SLC4A2: variants seen among roughly 807,000 people sequenced by gnomAD.
SLC4A2 encodes solute carrier family 4 member 2, also known as anion exchange protein 2.
SLC4A2 carries 36 observed loss-of-function variants against 115.0 expected under a neutral mutation model. The observed-to-expected ratio is 0.31, with a 90% CI of 0.24 to 0.41. The LOEUF (loss-of-function observed/expected upper bound fraction) is 0.41. Among genes scored for constraint, SLC4A2 ranks in the 10% least tolerant of loss-of-function variants. The pLI, the probability that SLC4A2 is intolerant of heterozygous loss-of-function variation, is 1.00. For synonymous variants in SLC4A2, 708 were observed against 708.3 expected (o/e 1.00, Z 0.01); for missense variants, 1,252 against 1,705.6 (o/e 0.73, Z 4.68).
Position 151,066,729 on chromosome 7 carries a change from C to T in SLC4A2, c.791C>T (p.Thr264Met), listed in dbSNP as rs928448411. ...CCCACGGATGAGATTGAGGCCCAGA[C>T]GCTGGCCACGGCCGACCTAGACCTC... Reference protein sequence around the residue: ...RVPTDEIEAQTLATADLDLMK... With the variant: ...RVPTDEIEAQMLATADLDLMK... The change falls in exon 6 of 23, where the codon ACG becomes ATG. Residue 264 changes from threonine (T) to methionine (M), a missense_variant. Around this residue, in one of 14 missense-constraint regions of SLC4A2, gnomAD observed 42 missense variants for 93.1 expected, o/e 0.45. Transcript: ENST00000413384. The T allele has an allele frequency of 8.4e-6, 13 of 1,556,144 alleles. No individual in the cohort carries two copies. Among genetic ancestry groups the T allele is most frequent in the Middle Eastern group, 1.7e-4 (1 of 5,990 alleles).
rs1018154956 is a variant in SLC4A2, at chr7:151,061,759, C to T, written c.-63-166C>T. ...CTCAGTCCTCTCCTGTCTCCTTGTT[C>T]TTCTCTTTTCTTCCTATAAATAACT... is the stretch of plus-strand genomic sequence containing the variant. On this transcript the variant is annotated intron_variant, in intron 1 of 22. Transcript: ENST00000413384. The T allele has an allele frequency of 1.1e-5, 6 of 551,502 alleles. No individual in the cohort carries two copies. The East Asian group carries it at 1.4e-4, about 13-fold the overall frequency. The allele number at this position is 551,502 out of a possible 1,614,324, so 34.2% of individuals were successfully genotyped here.
rs955651136 is a variant in SLC4A2, at chr7:151,063,395, T to C, written c.52-807T>C. Among the ~76,000 whole-genome samples, 3 of 152,292 alleles carry C rather than the reference T, an allele frequency of 2.0e-5. No individual in the cohort carries two copies. The East Asian group carries it at 5.8e-4, about 29-fold the overall frequency. ...AGTTACTTTTTGGGCTCAGCAGTTG[T>C]CCTCAGGCCAACTGGAGTTTCTTCA... On this transcript the variant is annotated intron_variant, in intron 2 of 22. Coordinates refer to ENST00000413384, the MANE Select transcript of SLC4A2 (RefSeq NM_003040.4).
intron 20 of SLC4A2, 47 bp from the exon 21 acceptor site, chr7:151,075,559 G>A: frequency 6.3e-7 from 1 of 1,587,120 alleles, no homozygotes; most frequent in Non-Finnish European, 8.5e-7. Context: ...AGGGCTACTG[G>A]GGCCAGGGGA....
At position 151,069,948 on chromosome 7, in the gene SLC4A2, G is replaced by A; in HGVS notation, c.1149G>A (p.Gly383=). 6.2e-7 allele frequency: 1 copy of A among 1,613,852 alleles called. No homozygotes were observed. The highest frequency in any genetic ancestry group is 8.5e-7 in the Non-Finnish European group (1 of 1,180,010). Residue 383 remains glycine, a splice_region_variant and synonymous_variant, in exon 9 of 23, where the codon GGG becomes GGA. Transcript: ENST00000413384. ...LLELRRTLAH[G]AVLLDLDQQT... ...GCCCTCTGTGCCATCTTATGCTAGG[G>A]GCTGTGCTCTTGGATCTGGACCAGC...
At position 151,076,369 on chromosome 7, in the gene SLC4A2, C is replaced by T. The variant is rs141417799; in HGVS notation, c.*2C>T. ...AATGAGATGCCCATGCCTGTGTAGCCGCCACCGAGGGACAGCCGAGGGACC... is the reference window on the plus strand; with the variant it reads ...AATGAGATGCCCATGCCTGTGTAGCTGCCACCGAGGGACAGCCGAGGGACC... On this transcript the variant is annotated 3_prime_UTR_variant, in exon 23 of 23. Transcript: ENST00000413384. 36 of 1,491,504 alleles carry T rather than the reference C, an allele frequency of 2.4e-5. No homozygotes were observed. Among genetic ancestry groups the T allele is most frequent in the Middle Eastern group, 1.8e-4 (1 of 5,526 alleles). The allele number at this position is 1,491,504 out of a possible 1,614,324, so 92.4% of individuals were successfully genotyped here.
Position 151,064,137 on chromosome 7 carries a change from G to T in SLC4A2, c.52-65G>T, listed in dbSNP as rs1013358562. The T allele has an allele frequency of 9.0e-6, 14 of 1,550,974 alleles. No individual in the cohort carries two copies. In the African/African-American group the frequency reaches 1.9e-4, roughly 21 times the overall value. On this transcript the variant is annotated intron_variant, in intron 2 of 22. Coordinates refer to ENST00000413384, the MANE Select transcript of SLC4A2 (RefSeq NM_003040.4). ...TCCTGGGTCTCTGGCACTGGGAAGG[G>T]TGAGGTTTCGGGGTACAATTCCCAG...
chr7:151,076,172 C>A lies in SLC4A2; in HGVS notation c.3631C>A (p.Arg1211=), dbSNP rs375284531. 1.2e-6 allele frequency: 2 copies of A among 1,611,260 alleles called. No homozygotes were observed. Among genetic ancestry groups the A allele is most frequent in the African/African-American group, 1.3e-5 (1 of 74,914 alleles). Reference sequence around the variant, plus strand: ...GGTGCTCACCCGTATCTTCACCGACCGAGAGATGAAATGTGTAAGCCCTCC... The same window carrying A: ...GGTGCTCACCCGTATCTTCACCGACAGAGAGATGAAATGTGTAAGCCCTCC... ...MVVLTRIFTD[R]EMKCLDANEA... The change falls in exon 22 of 23, where the codon CGA becomes AGA. Residue 1211 remains arginine, a synonymous_variant. Transcript: ENST00000413384.
In SLC4A2 at chr7:151,072,117, C is replaced by T; in HGVS notation, c.2516C>T (p.Thr839Ile). 1 of 1,613,996 alleles carries T rather than the reference C, an allele frequency of 6.2e-7. No individual in the cohort carries two copies. The highest frequency in any genetic ancestry group is 8.5e-7 in the Non-Finnish European group (1 of 1,179,924). ...ATCTCACTCATCTTCATCTATGAGA[C>T]CTTCTACAAGCTGGTGAAGGTGGGC... ...FLISLIFIYE[T>I]FYKLVKIFQE... Residue 839 changes from threonine to isoleucine, a missense_variant, in exon 16 of 23, where the codon ACC becomes ATC. By Grantham distance (89) the Thr-to-Ile change is moderately conservative. Coordinates refer to ENST00000413384, the MANE Select transcript of SLC4A2 (RefSeq NM_003040.4).
At position 151,062,021 on chromosome 7, in the gene SLC4A2, G is replaced by A. The variant is rs532477386; in HGVS notation, c.34G>A (p.Ala12Thr). ...CGCCCCTCGGCGCCCCGCCAAGGGC[G>A]CAGATTCTTTCTGTACGGTGAGTGT... Reference protein sequence around the residue: ...SSAPRRPAKGADSFCTPEPES... With the variant: ...SSAPRRPAKGTDSFCTPEPES... Residue 12 changes from alanine to threonine, a missense_variant, in exon 2 of 23, where the codon GCA becomes ACA. By Grantham distance (58) the Ala-to-Thr change is moderately conservative (BLOSUM62 0). Transcript: ENST00000413384. The A allele has an allele frequency of 5.2e-5, 83 of 1,610,870 alleles. No homozygotes were observed. The highest frequency in any genetic ancestry group is 1.6e-4 in the Middle Eastern group (1 of 6,080).
chr7:151,071,110 G>C lies in SLC4A2; in HGVS notation c.1788G>C (p.Glu596Asp). 1 of 1,612,784 alleles carries C rather than the reference G, an allele frequency of 6.2e-7. No individual in the cohort carries two copies. The highest frequency in any genetic ancestry group is 8.5e-7 in the Non-Finnish European group (1 of 1,180,024). ...CAGCCTACCTGGCTGACGAGCGGGA[G>C]GACCTGCTGACGGCCATCAACGCCT... is the stretch of plus-strand genomic sequence containing the variant. The part of the protein sequence containing the change: ...HEAAYLADER[E>D]DLLTAINAFL... The change falls in exon 13 of 23, where the codon GAG (glutamate) becomes GAC (aspartate). Residue 596 changes from glutamate to aspartate, a missense_variant. Coordinates refer to ENST00000413384, the MANE Select transcript of SLC4A2 (RefSeq NM_003040.4). The surrounding 1 kb of genome is among the most constrained non-coding windows in gnomAD (Gnocchi z 5.5).
rs1366843155 is a variant in SLC4A2, at chr7:151,076,364, G to A, written c.3723G>A (p.Val1241=). 2 of 1,496,866 alleles carry A rather than the reference G, an allele frequency of 1.3e-6. No homozygotes were observed. The highest frequency in any genetic ancestry group is 2.7e-5 in the South Asian group (2 of 72,820). 92.7% of individuals were successfully genotyped at this position (1,496,866 alleles called of 1,614,324 possible). A position where few individuals can be genotyped will look rare whatever the true frequency, so the allele number is the denominator to read the frequency against. ...VDEYNEMPMP[V] The stretch of plus-strand genomic sequence containing the variant: ...AGTACAATGAGATGCCCATGCCTGT[G>A]TAGCCGCCACCGAGGGACAGCCGAG... Residue 1241 remains valine (V), a synonymous_variant, in exon 23 of 23, where the codon GTG becomes GTA. Coordinates refer to ENST00000413384, the MANE Select transcript of SLC4A2 (RefSeq NM_003040.4).
At chr7:151,063,325 T>C in intron 2 of SLC4A2, 2 of 697,412 alleles carry the variant, frequency 2.9e-6, no homozygotes, top group Non-Finnish European at 4.4e-6. Context: ...CTGGGTTTGT[T>C]TGACTCGGAC....
Position 151,064,208 on chromosome 7 carries a change from C to T in SLC4A2, c.58C>T (p.Pro20Ser), listed in dbSNP as rs147352167. ...TCTGCCTTCTTCCTCACAGCCAGAG[C>T]CAGAGAGCTTGGGCCCTGGGACGCC... is the stretch of plus-strand genomic sequence containing the variant. ...KGADSFCTPE[P>S]ESLGPGTPGF... Residue 20 changes from proline to serine, a missense_variant, in exon 3 of 23, where the codon CCA becomes TCA. Physicochemically the swap from Pro to Ser is moderately conservative, Grantham distance 74. Transcript: ENST00000413384. 6.8e-6 allele frequency: 11 copies of T among 1,612,126 alleles called. No individual in the cohort carries two copies. The highest frequency in any genetic ancestry group is 1.3e-5 in the African/African-American group (1 of 74,934).
At position 151,064,226 on chromosome 7, in the gene SLC4A2, G is replaced by C. The variant is rs1199210740; in HGVS notation, c.76G>C (p.Gly26Arg). ...CTPEPESLGP[G>R]TPGFPEQEED... ...GCCAGAGCCAGAGAGCTTGGGCCCT[G>C]GGACGCCTGGGTTCCCCGAGCAGGA... is the stretch of plus-strand genomic sequence containing the variant. Residue 26 changes from glycine to arginine, a missense_variant, in exon 3 of 23, where the codon GGG (glycine) becomes CGG (arginine). Gly to Arg is a moderately radical substitution (Grantham distance 125). Transcript: ENST00000413384. 6.2e-7 allele frequency: 1 copy of C among 1,612,314 alleles called. No individual in the cohort carries two copies. Among genetic ancestry groups the C allele is most frequent in the African/African-American group, 1.3e-5 (1 of 74,796 alleles).
intron 2 of SLC4A2, 100 bp from the exon 3 acceptor site, chr7:151,064,102 G>A (rs932058487): frequency 1.6e-5 from 20 of 1,222,726 alleles, no homozygotes; most frequent in Admixed American, 1.0e-4. Flanking sequence ...AGCTGCTGGC[G>A]GGGGAGGGTT....
At position 151,064,560 on chromosome 7, in the gene SLC4A2, A is replaced by G. The variant is rs1484744529; in HGVS notation, c.252A>G (p.Pro84=). 1.9e-6 allele frequency: 3 copies of G among 1,612,030 alleles called. No individual in the cohort carries two copies. In the African/African-American group the frequency reaches 4.0e-5, roughly 22 times the overall value. Residue 84 remains proline, a synonymous_variant, in exon 4 of 23, where the codon CCA becomes CCG. Transcript: ENST00000413384. ...AGTCCTCCCACCACATCCATCACCC[A>G]CTGTCCACCCACCTGCCTCCGGATG... is the stretch of plus-strand genomic sequence containing the variant. ...HRQSSHHIHH[P]LSTHLPPDAR...
chr7:151,059,685 T>C lies in SLC4A2; in HGVS notation c.-141T>C, dbSNP rs1796983935. 1 of 149,774 alleles carries C rather than the reference T, an allele frequency of 6.7e-6. No homozygotes were observed. The highest frequency in any genetic ancestry group is 2.1e-4 in the South Asian group (1 of 4,706). 9.3% of individuals were successfully genotyped at this position (149,774 alleles called of 1,614,324 possible). The stretch of plus-strand genomic sequence containing the variant: ...GCGCCCCGGGGTGGGCACGGGGCAG[T>C]CGTCGGGAGCGCGCGAGTGCGCCGG... On this transcript the variant is annotated 5_prime_UTR_variant, in exon 1 of 23. Transcript: ENST00000413384. The surrounding 1 kb of genome is among the most constrained non-coding windows in gnomAD (Gnocchi z 5.8).
At chr7:151,075,051 C>T in intron 19 of SLC4A2, 1 of 890,116 alleles carries the variant, frequency 1.1e-6, no homozygotes. Context: ...GCCACCCTGG[C>T]AGTGCTAGCT....
Position 151,072,034 on chromosome 7 carries a change from G to C in SLC4A2, c.2433G>C (p.Glu811Asp). 1 of 1,614,138 alleles carries C rather than the reference G, an allele frequency of 6.2e-7. No individual in the cohort carries two copies. The highest frequency in any genetic ancestry group is 8.5e-7 in the Non-Finnish European group (1 of 1,180,022). Residue 811 changes from glutamate (E) to aspartate (D), a missense_variant, in exon 16 of 23, where the codon GAG (glutamate) becomes GAC (aspartate). Glu to Asp is a conservative substitution (Grantham distance 45). This residue lies in a region of SLC4A2 where 118 missense variants were observed against 203.3 expected (regional missense o/e 0.58). Transcript: ENST00000413384. The part of the protein sequence containing the change: ...VFLALLMVAL[E>D]GSFLVRFVSR... ...TGGCCCTGCTCATGGTGGCCCTGGA[G>C]GGGAGCTTCCTGGTCCGCTTCGTCT...
Sources: allele counts gnomAD v4.1 joint callset (sites outside exome capture counted in the v4.1 genomes callset), GRCh38; gene constraint gnomAD v4.1.1; regional missense constraint gnomAD v4.1.1; non-coding constraint Gnocchi (gnomAD v3.1); transcripts MANE v1.5; gene names NCBI Gene and HGNC (gene_info 2026-07-23, HGNC 2026-07-21).